FAM114A1: variants seen among roughly 807,000 people sequenced by gnomAD.
FAM114A1 encodes family with sequence similarity 114 member A1.
Under a neutral mutation model 64.3 loss-of-function variants are expected in FAM114A1, and 62 were observed. The ratio of observed to expected loss-of-function variants is 0.96; its 90% CI spans 0.79 to 1.19. The LOEUF is 1.19. Ranked by LOEUF, FAM114A1 falls within the 50% of genes most tolerant of loss-of-function variation. FAM114A1 has a pLI of 0.00. For missense variants in FAM114A1, 645 were observed against 676.3 expected (o/e 0.95, Z 0.51); for synonymous variants, 254 against 251.1 (o/e 1.01, Z -0.11).
rs182775602 is a variant in FAM114A1, at chr4:38,933,985, A to G, written c.1463+1611A>G. Among the ~76,000 whole-genome samples, 33 of 152,324 alleles carry G rather than the reference A, an allele frequency of 2.2e-4. No individual in the cohort carries two copies. The East Asian group carries it at 2.5e-3, about 12-fold the overall frequency. ...TGTAAAGATCCGTCATCTAGTCTAG[A>G]TTTCCATATCTAAGGATATAAAAAT... On this transcript the variant is annotated intron_variant, in intron 12 of 14. Coordinates refer to ENST00000358869, the MANE Select transcript of FAM114A1 (RefSeq NM_138389.4).
intron 3 of FAM114A1, among the ~76,000 whole-genome samples, chr4:38,880,690 G>A (rs1579299567): frequency 6.6e-6 from 1 of 152,194 alleles, no homozygotes; most frequent in African/African-American, 2.4e-5. Flanking sequence ...CATGTAGGGA[G>A]CTATGGTTCC....
At chr4:38,895,942 C>T (rs529449164) in intron 4 of FAM114A1, among the ~76,000 whole-genome samples, 3 of 152,176 alleles carry the variant, frequency 2.0e-5, no homozygotes, top group African/African-American at 4.8e-5. Flanking sequence ...CGTCGTTGAC[C>T]GTAAGTTTGT....
intron 8 of FAM114A1, among the ~76,000 whole-genome samples, chr4:38,918,924 G>A (rs548323897): frequency 6.6e-6 from 1 of 152,206 alleles, no homozygotes; most frequent in Non-Finnish European, 1.5e-5. Flanking sequence ...GGCCGAGGCA[G>A]GTGGATCACC....
chr4:38,908,682 A>T lies in FAM114A1; in HGVS notation c.748A>T (p.Lys250Ter). Residue 250 changes from lysine (K) to a stop codon, truncating the protein, a stop_gained, in exon 7 of 15, where the codon AAG becomes TAG. Transcript: ENST00000358869. LOFTEE classifies it high-confidence loss of function. ...NVLAESDPGF[K>*]RTKTLMERTV... ...CCTTGCAGAAAGTGACCCGGGCTTT[A>T]AGCGGACCAAGACGCTCATGGAGAG... 6.2e-7 allele frequency: 1 copy of T among 1,613,276 alleles called. No individual in the cohort carries two copies. Among genetic ancestry groups the T allele is most frequent in the Non-Finnish European group, 8.5e-7 (1 of 1,179,328 alleles).
intron 3 of FAM114A1, among the ~76,000 whole-genome samples, chr4:38,879,936 G>T (rs1043254627): frequency 1.3e-5 from 2 of 152,024 alleles, no homozygotes; most frequent in Non-Finnish European, 2.9e-5. Flanking sequence ...AGGCATGGTA[G>T]TATGCACCTG....
At chr4:38,876,195 G>A (rs73236656) in intron 2 of FAM114A1, among the ~76,000 whole-genome samples, 34,416 of 128,932 alleles carry the variant, frequency 0.27, 4,822 homozygotes, top group African/African-American at 0.3. Flanking sequence ...TTTTTGAGAC[G>A]GTCTCGCTTT....
At chr4:38,930,618 T>G (rs1356520360) in intron 10 of FAM114A1, among the ~76,000 whole-genome samples, 2 of 152,218 alleles carry the variant, frequency 1.3e-5, no homozygotes, top group African/African-American at 4.8e-5. Flanking sequence ...TGCTGTTAAC[T>G]TACCATTCAA....
chr4:38,922,906 A>C lies in FAM114A1; in HGVS notation c.1069+13A>C. On this transcript the variant is annotated intron_variant, in intron 9 of 14. Coordinates refer to ENST00000358869, the MANE Select transcript of FAM114A1 (RefSeq NM_138389.4). ...CAAGAAGAACAAGGTAAAGGAAAAT[A>C]ACTTAAATAGCAAGACAAACTGTTG... 1.2e-6 allele frequency: 2 copies of C among 1,601,604 alleles called. No individual in the cohort carries two copies. Among genetic ancestry groups the C allele is most frequent in the Non-Finnish European group, 1.7e-6 (2 of 1,176,190 alleles).
chr4:38,895,817 T>C (rs773374824), intron 4 of FAM114A1, among the ~76,000 whole-genome samples: 1 of 152,212 alleles, frequency 6.6e-6, no homozygotes, highest in Non-Finnish European at 1.5e-5. Context: ...CTGAATACTG[T>C]AGGCAATTGT....
intron 13 of FAM114A1, among the ~76,000 whole-genome samples, chr4:38,937,278 G>A (rs141620824): frequency 1.8e-4 from 27 of 152,246 alleles, no homozygotes; most frequent in African/African-American, 6.0e-4. Context: ...TGGTATCAGG[G>A]CCTTGATCTC....
rs1162446225 is a variant in FAM114A1 at position 38,932,413 on chromosome 4, TTA to T, written c.1463+46_1463+47del. On this transcript the variant is annotated intron_variant, in intron 12 of 14. Transcript: ENST00000358869. ...ACTTTAAATTCTTATTTTCCCAGTT[TTA>T]TATATAGGTACCATTCAGATACACA... 4 of 1,553,004 alleles carry T rather than the reference TTA, an allele frequency of 2.6e-6. No individual in the cohort carries two copies. In the Admixed American group the frequency reaches 8.0e-5, roughly 31 times the overall value.
intron 4 of FAM114A1, among the ~76,000 whole-genome samples, chr4:38,901,768 G>A (rs564197335): frequency 1.3e-5 from 2 of 152,152 alleles, no homozygotes; most frequent in Non-Finnish European, 2.9e-5. Flanking sequence ...GATCAAAGTG[G>A]ATGTGTAAGA....
At chr4:38,872,744 A>G (rs1714208285) in intron 2 of FAM114A1, among the ~76,000 whole-genome samples, 1 of 152,240 alleles carries the variant, frequency 6.6e-6, no homozygotes, top group Non-Finnish European at 1.5e-5. Context: ...CCGGCCAGAT[A>G]GTAAATATTT....
At position 38,878,262 on chromosome 4, in the gene FAM114A1, G is replaced by C; in HGVS notation, c.184G>C (p.Gly62Arg). Residue 62 changes from glycine to arginine, a missense_variant, in exon 3 of 15, where the codon GGG becomes CGG. Physicochemically the swap from Gly to Arg is moderately radical, Grantham distance 125. Transcript: ENST00000358869. ...TGAAAATGCAGCTGTGCAGGGTGCA[G>C]GGGCTGCCGCCATTGGGCCCCCTGT... is the stretch of plus-strand genomic sequence containing the variant. ...GHENAAVQGA[G>R]AAAIGPPVQP... The C allele has an allele frequency of 1.2e-6, 2 of 1,614,222 alleles. No homozygotes were observed. Among genetic ancestry groups the C allele is most frequent in the Non-Finnish European group, 1.7e-6 (2 of 1,180,046 alleles).
intron 13 of FAM114A1, among the ~76,000 whole-genome samples, chr4:38,940,134 A>G (rs913663650): frequency 2.9e-4 from 44 of 151,720 alleles, no homozygotes; most frequent in African/African-American, 7.8e-4. Flanking sequence ...CAGGTGATCC[A>G]CTCACCTCGG....
At chr4:38,883,904 T>G (rs1226829735) in intron 3 of FAM114A1, among the ~76,000 whole-genome samples, 1 of 152,190 alleles carries the variant, frequency 6.6e-6, no homozygotes, top group South Asian at 2.1e-4. Flanking sequence ...TAGAGAGCAG[T>G]GCTTCCCAGA....
chr4:38,892,192 C>T (rs2109610113), intron 4 of FAM114A1, among the ~76,000 whole-genome samples: 1 of 152,110 alleles, frequency 6.6e-6, no homozygotes, highest in Non-Finnish European at 1.5e-5. Flanking sequence ...TCGTGTTTAT[C>T]GTCCCACTTG....
intron 9 of FAM114A1, among the ~76,000 whole-genome samples, chr4:38,924,131 GC>G (rs1485577300): frequency 6.6e-6 from 1 of 151,718 alleles, no homozygotes; most frequent in African/African-American, 2.4e-5. Context: ...TTTCTGAAAT[GC>G]AGTATCTTCA....
intron 4 of FAM114A1, among the ~76,000 whole-genome samples, chr4:38,892,455 T>C (rs1716500218): frequency 6.6e-6 from 1 of 152,228 alleles, no homozygotes; most frequent in Admixed American, 6.5e-5. Context: ...AATATATTTT[T>C]CTGGTTTTAA....
Sources: allele counts gnomAD v4.1 joint callset (sites outside exome capture counted in the v4.1 genomes callset), GRCh38; gene constraint gnomAD v4.1.1; transcripts MANE v1.5; gene names NCBI Gene and HGNC (gene_info 2026-07-23, HGNC 2026-07-21).